The following LIPK variants were observed in gnomAD, a reference collection of about 807,000 sequenced individuals.
LIPK encodes lipase family member K.
Under a neutral mutation model 48.6 loss-of-function variants are expected in LIPK, and 32 were observed. The observed-to-expected ratio is 0.66, with a 90% CI of 0.50 to 0.88. The LOEUF is 0.88. Among genes scored for constraint, LIPK ranks in the 40% least tolerant of loss-of-function variants. The pLI is 0.00. For missense variants in LIPK, 507 were observed against 478.5 expected (o/e 1.06, Z -0.56); for synonymous variants, 164 against 157.4 (o/e 1.04, Z -0.32).
intron 9 of LIPK, among the ~76,000 whole-genome samples, chr10:88,746,782 G>A (rs563123712): frequency 6.6e-6 from 1 of 152,246 alleles, no homozygotes; most frequent in South Asian, 2.1e-4. Flanking sequence ...TTAACTGAAT[G>A]AAACTGAGAT....
At chr10:88,729,798 C>G (rs1168137263) in intron 3 of LIPK, among the ~76,000 whole-genome samples, 1 of 152,192 alleles carries the variant, frequency 6.6e-6, no homozygotes, top group African/African-American at 2.4e-5. Context: ...GAGAGTACAA[C>G]TTACTCACTC....
intron 6 of LIPK, among the ~76,000 whole-genome samples, chr10:88,734,661 T>C (rs1306050032): frequency 6.6e-6 from 1 of 152,148 alleles, no homozygotes; most frequent in African/African-American, 2.4e-5. Flanking sequence ...TATGGAGTTA[T>C]TGTTAACACA....
At chr10:88,747,980 T>G (rs1333808012) in intron 9 of LIPK, among the ~76,000 whole-genome samples, 1 of 152,150 alleles carries the variant, frequency 6.6e-6, no homozygotes, top group East Asian at 1.9e-4. Flanking sequence ...CAGCACTGTT[T>G]ACAATAACAA....
At chr10:88,731,452 G>A (rs1193081041) in intron 4 of LIPK, among the ~76,000 whole-genome samples, 3 of 152,206 alleles carry the variant, frequency 2.0e-5, no homozygotes. Flanking sequence ...TAAGAAGAAA[G>A]CCTGATTACA....
intron 1 of LIPK, among the ~76,000 whole-genome samples, chr10:88,716,062 A>C (rs545625395): frequency 1.3e-5 from 2 of 152,284 alleles, no homozygotes; most frequent in East Asian, 3.9e-4. Context: ...TTAATATGAT[A>C]AAATGATTTT....
chr10:88,720,910 A>G (rs1369282790), intron 1 of LIPK, among the ~76,000 whole-genome samples: 1 of 151,758 alleles, frequency 6.6e-6, no homozygotes, highest in Non-Finnish European at 1.5e-5. Context: ...ATTATAGATT[A>G]TATCTATAAT....
intron 1 of LIPK, among the ~76,000 whole-genome samples, chr10:88,721,325 C>A (rs1842221894): frequency 6.6e-6 from 1 of 152,152 alleles, no homozygotes; most frequent in African/African-American, 2.4e-5. Context: ...GAATCAAGCA[C>A]CCTTACCCAA....
At chr10:88,719,606 G>T (rs899953670) in intron 1 of LIPK, among the ~76,000 whole-genome samples, 4 of 152,154 alleles carry the variant, frequency 2.6e-5, no homozygotes, top group African/African-American at 9.7e-5. Flanking sequence ...TGACCCCTTT[G>T]CATTTTTTAA....
chr10:88,743,161 A>T, intron 8 of LIPK, 89 bp from the exon 9 acceptor site: 1 of 780,042 alleles, frequency 1.3e-6, no homozygotes, highest in South Asian at 1.8e-5. Flanking sequence ...CTGGGGCATA[A>T]TGTTAATCTT....
At chr10:88,720,131 G>A (rs1842195164) in intron 1 of LIPK, among the ~76,000 whole-genome samples, 1 of 152,148 alleles carries the variant, frequency 6.6e-6, no homozygotes, top group South Asian at 2.1e-4. Context: ...GGTCTTGCAA[G>A]TAATGTACCT....
chr10:88,717,766 C>G (rs1490792639), intron 1 of LIPK, among the ~76,000 whole-genome samples: 1 of 152,128 alleles, frequency 6.6e-6, no homozygotes, highest in Non-Finnish European at 1.5e-5. Flanking sequence ...TTACTCAAGA[C>G]CAGCCATTCC....
chr10:88,719,246 C>T (rs903195283), intron 1 of LIPK, among the ~76,000 whole-genome samples: 6 of 152,162 alleles, frequency 3.9e-5, no homozygotes, highest in African/African-American at 9.7e-5. Context: ...CAACCCTACA[C>T]GTAGGTGTTA....
chr10:88,720,676 T>C (rs1413090231), intron 1 of LIPK, among the ~76,000 whole-genome samples: 1 of 151,032 alleles, frequency 6.6e-6, no homozygotes, highest in Non-Finnish European at 1.5e-5. Context: ...CATGTGTGTG[T>C]ATGTGTGTGT....
At chr10:88,742,536 C>T (rs1015679827) in intron 8 of LIPK, among the ~76,000 whole-genome samples, 4 of 152,158 alleles carry the variant, frequency 2.6e-5, no homozygotes, top group African/African-American at 9.7e-5. Context: ...ATATGGGTGG[C>T]AAATAACAGA....
At chr10:88,712,017 A>C (rs1012977476) in intron 1 of LIPK, among the ~76,000 whole-genome samples, 1 of 152,172 alleles carries the variant, frequency 6.6e-6, no homozygotes, top group Non-Finnish European at 1.5e-5. Context: ...TTGTTCCTGC[A>C]GGAATAATTG....
chr10:88,726,724 T>C, intron 2 of LIPK, 71 bp from the exon 3 acceptor site: 1 of 777,192 alleles, frequency 1.3e-6, no homozygotes, highest in Non-Finnish European at 2.2e-6. Context: ...AATAAAGTAC[T>C]ATGTTGTAAT....
intron 1 of LIPK, among the ~76,000 whole-genome samples, chr10:88,706,663 G>A (rs1371844222): frequency 6.6e-6 from 1 of 152,100 alleles, no homozygotes; most frequent in African/African-American, 2.4e-5. Context: ...CTAGGGGTTT[G>A]GGAAATAATG....
intron 8 of LIPK, among the ~76,000 whole-genome samples, chr10:88,740,639 TGTGCATGCGCACACAC>T (rs757482464): frequency 2.8e-4 from 43 of 152,380 alleles, no homozygotes; most frequent in African/African-American, 9.4e-4. Context: ...TGTCTTTGTG[TGTGCATGCGCACACAC>T]GTGCATGCAC....
At chr10:88,748,591 T>C (rs381424) in intron 9 of LIPK, among the ~76,000 whole-genome samples, 36,116 of 144,064 alleles carry the variant, frequency 0.25, 4,517 homozygotes, top group East Asian at 0.38. Flanking sequence ...CACTCCAGCC[T>C]AAGTGACAGA....
Sources: gnomAD v4.1 joint callset for allele counts (sites outside exome capture counted in the v4.1 genomes callset) on GRCh38, gnomAD v4.1.1 for gene constraint, MANE v1.5 for transcripts, NCBI Gene and HGNC (gene_info 2026-07-23, HGNC 2026-07-21) for gene names.